Variants in ZNF536 observed in about 807,000 individuals in gnomAD.
ZNF536 encodes the protein zinc finger protein 536.
In ZNF536, 13 loss-of-function variants were observed where a neutral mutation model predicts 84.5. That is an observed-to-expected ratio of 0.15 (90% CI 0.10 to 0.24). The LOEUF (loss-of-function observed/expected upper bound fraction) is 0.24. ZNF536 is among the 10% of genes least tolerant of loss of function. ZNF536 has a pLI of 1.00. For missense variants in ZNF536, 1,536 were observed against 1,747.5 expected (o/e 0.88, Z 2.16); for synonymous variants, 811 against 742.5 (o/e 1.09, Z -1.50).
At chr19:30,625,541 G>T (rs1203684501) in intron 1 of ZNF536, among the ~76,000 whole-genome samples, 1 of 152,244 alleles carries the variant, frequency 6.6e-6, no homozygotes, top group Non-Finnish European at 1.5e-5. Context: ...TAAGAAGCGG[G>T]CAAGGTTGGC....
intron 1 of ZNF536, among the ~76,000 whole-genome samples, chr19:30,609,476 C>G (rs2048012585): frequency 6.6e-6 from 1 of 152,212 alleles, no homozygotes; most frequent in African/African-American, 2.4e-5. Context: ...CTTTGAAGTT[C>G]TGTTTTTGCA....
At chr19:30,363,148 G>A (rs1278145168) in intron 3 of ZNF536, among the ~76,000 whole-genome samples, 2 of 152,150 alleles carry the variant, frequency 1.3e-5, no homozygotes, top group African/African-American at 4.8e-5. Context: ...ATGACGTGGT[G>A]GGCTGGGACA....
At chr19:30,583,666 C>T (rs576097511) in intron 1 of ZNF536, among the ~76,000 whole-genome samples, 6 of 152,270 alleles carry the variant, frequency 3.9e-5, no homozygotes, top group East Asian at 1.9e-4. Flanking sequence ...TACATGGACC[C>T]TTGAAGGGGC....
chr19:30,486,008 G>A (rs2054289492), intron 2 of ZNF536, among the ~76,000 whole-genome samples: 2 of 152,122 alleles, frequency 1.3e-5, no homozygotes. Flanking sequence ...ATTAGGTGGG[G>A]GTTGGCGTCA....
intron 1 of ZNF536, among the ~76,000 whole-genome samples, chr19:30,603,934 A>G (rs1240950887): frequency 1.3e-5 from 2 of 152,194 alleles, no homozygotes; most frequent in African/African-American, 2.4e-5. Flanking sequence ...TACTAAAAAT[A>G]CAAAAATTAG....
At chr19:30,271,294 CTTTTCTT>C (rs1040808623) in intron 1 of ZNF536, among the ~76,000 whole-genome samples, 9 of 103,196 alleles carry the variant, frequency 8.7e-5, no homozygotes, top group African/African-American at 2.8e-4. Flanking sequence ...GTGTTTTTTT[CTTTTCTT>C]TTTTTTTTTT....
chr19:30,553,229 C>T (rs2045848273), intron 4 of ZNF536, among the ~76,000 whole-genome samples: 1 of 152,152 alleles, frequency 6.6e-6, no homozygotes, highest in Admixed American at 6.5e-5. Context: ...CATCCATGGA[C>T]AAAGCAAGGC....
chr19:30,425,857 T>C (rs555565312), intron 1 of ZNF536, among the ~76,000 whole-genome samples: 1 of 152,298 alleles, frequency 6.6e-6, no homozygotes, highest in Admixed American at 6.5e-5. Context: ...ATGTAGGGAC[T>C]GTGGTGGGCA....
At chr19:30,335,137 G>A (rs962952818) in intron 2 of ZNF536, among the ~76,000 whole-genome samples, 4 of 152,192 alleles carry the variant, frequency 2.6e-5, no homozygotes, top group South Asian at 2.1e-4. Flanking sequence ...GGAGGCAGAC[G>A]TGGCCAGAGC....
intron 1 of ZNF536, among the ~76,000 whole-genome samples, chr19:30,263,027 C>T (rs779617500): frequency 7.2e-5 from 11 of 152,028 alleles, no homozygotes; most frequent in Admixed American, 2.0e-4. Flanking sequence ...TAGAGAACTC[C>T]GCAGCGTGGA....
intron 1 of ZNF536, among the ~76,000 whole-genome samples, chr19:30,579,055 G>C (rs2146644477): frequency 6.6e-6 from 1 of 152,298 alleles, no homozygotes; most frequent in South Asian, 2.1e-4. Flanking sequence ...CACATGTAAA[G>C]TCTTTAACCC....
At chr19:30,690,950 G>A (rs2051383064) in intron 1 of ZNF536, among the ~76,000 whole-genome samples, 2 of 152,128 alleles carry the variant, frequency 1.3e-5, no homozygotes, top group Admixed American at 6.6e-5. Flanking sequence ...ATTGTAGAAG[G>A]AATTTTGCAG....
chr19:30,456,023 TTCTGTAGTAAACAC>T (rs1300504598), intron 2 of ZNF536, among the ~76,000 whole-genome samples: 6 of 152,306 alleles, frequency 3.9e-5, no homozygotes, highest in African/African-American at 1.4e-4. Flanking sequence ...GCCATGTGGT[TTCTGTAGTAAACAC>T]TCAATTCTTT....
At chr19:30,613,811 C>G (rs2048186033) in intron 1 of ZNF536, among the ~76,000 whole-genome samples, 1 of 151,920 alleles carries the variant, frequency 6.6e-6, no homozygotes, top group Admixed American at 6.6e-5. Flanking sequence ...TTTTTAAGCA[C>G]AGATTGAAAC....
At chr19:30,508,185 C>T (rs947056448) in intron 2 of ZNF536, among the ~76,000 whole-genome samples, 29 of 152,126 alleles carry the variant, frequency 1.9e-4, no homozygotes, top group African/African-American at 5.8e-4. Flanking sequence ...TACCATTCAC[C>T]GATTGCCCAT....
chr19:30,246,660 C>G (rs2024296952), intron 1 of ZNF536, among the ~76,000 whole-genome samples: 1 of 152,142 alleles, frequency 6.6e-6, no homozygotes, highest in Non-Finnish European at 1.5e-5. Flanking sequence ...TAATGAGTAA[C>G]AGAAGTGAAT....
chr19:30,349,316 G>A (rs2047853310), intron 2 of ZNF536, among the ~76,000 whole-genome samples: 1 of 152,220 alleles, frequency 6.6e-6, no homozygotes, highest in Admixed American at 6.5e-5. Flanking sequence ...GCACCTGTTG[G>A]TTCCAGATGT....
chr19:30,606,235 A>AAT (rs1568596911), intron 1 of ZNF536, among the ~76,000 whole-genome samples: 4,456 of 79,022 alleles, frequency 0.056, 252 homozygotes, highest in Non-Finnish European at 0.07. Flanking sequence ...AAAATAATAA[A>AAT]ATAAAATAAA....
At chr19:30,256,582 G>A (rs1005754657) in intron 1 of ZNF536, among the ~76,000 whole-genome samples, 8 of 152,148 alleles carry the variant, frequency 5.3e-5, no homozygotes, top group Non-Finnish European at 1.0e-4. Flanking sequence ...TGACACAGGC[G>A]TCCAGAAAGA....
Sources: gnomAD v4.1 joint callset for allele counts (sites outside exome capture counted in the v4.1 genomes callset) on GRCh38, gnomAD v4.1.1 for gene constraint, MANE v1.5 for transcripts, NCBI Gene and HGNC (gene_info 2026-07-23, HGNC 2026-07-21) for gene names.